Variants in RPS6KC1 observed in about 807,000 individuals in gnomAD.
RPS6KC1 encodes the protein ribosomal protein S6 kinase C1, also known as inactive ribosomal protein S6 kinase delta-1.
RPS6KC1 carries 54 observed loss-of-function variants against 103.8 expected under a neutral mutation model. The ratio of observed to expected loss-of-function variants is 0.52; its 90% CI spans 0.42 to 0.65. The LOEUF (loss-of-function observed/expected upper bound fraction) is 0.65. Ranked by LOEUF, RPS6KC1 falls within the 30% of genes least tolerant of loss-of-function variation. The probability of loss-of-function intolerance (pLI) is 0.00; values close to 1 mark genes in which losing one functional copy is unlikely to be tolerated. For missense variants in RPS6KC1, 1,151 were observed against 1,253.8 expected (o/e 0.92, Z 1.24); for synonymous variants, 439 against 438.7 (o/e 1.00, Z -0.01).
the RPS6KC1 span, among the ~76,000 whole-genome samples, chr1:213,328,169 G>T: frequency 1.3e-5 from 2 of 152,074 alleles, no homozygotes; most frequent in Admixed American, 6.6e-5. Context: ...TCTCTATCTG[G>T]CTTTCAATAG....
chr1:213,217,202 C>A (rs2093689411), intron 8 of RPS6KC1, among the ~76,000 whole-genome samples: 1 of 151,634 alleles, frequency 6.6e-6, no homozygotes, highest in Non-Finnish European at 1.5e-5. Flanking sequence ...CACTACCGAT[C>A]CCACAGAAAT....
chr1:213,214,562 A>G (rs1290028948), intron 8 of RPS6KC1, among the ~76,000 whole-genome samples: 1 of 152,210 alleles, frequency 6.6e-6, no homozygotes, highest in Non-Finnish European at 1.5e-5. Context: ...AGATCTGAGA[A>G]TGGACAGACT....
At chr1:213,639,733 A>G in the RPS6KC1 span, among the ~76,000 whole-genome samples, 3 of 152,038 alleles carry the variant, frequency 2.0e-5, no homozygotes, top group African/African-American at 4.8e-5. Context: ...TCAGCTTTGC[A>G]TTCCTGGAAT....
At chr1:213,407,451 G>A in the RPS6KC1 span, among the ~76,000 whole-genome samples, 1 of 152,162 alleles carries the variant, frequency 6.6e-6, no homozygotes, top group Non-Finnish European at 1.5e-5. Flanking sequence ...AATCATCCCT[G>A]ACATCCACAA....
chr1:213,053,960 C>T (rs868497152), intron 1 of RPS6KC1, among the ~76,000 whole-genome samples: 11 of 152,138 alleles, frequency 7.2e-5, no homozygotes, highest in African/African-American at 1.7e-4. Flanking sequence ...CTCAGCCACT[C>T]AAGTAGCTGG....
At chr1:213,773,634 T>C in the RPS6KC1 span, among the ~76,000 whole-genome samples, 1 of 151,998 alleles carries the variant, frequency 6.6e-6, no homozygotes, top group South Asian at 2.1e-4. Flanking sequence ...TTGTGGTGAC[T>C]GGCAAGTTTA....
At chr1:213,724,370 G>A in the RPS6KC1 span, among the ~76,000 whole-genome samples, 1 of 152,182 alleles carries the variant, frequency 6.6e-6, no homozygotes, top group African/African-American at 2.4e-5. Flanking sequence ...GTGAGCCACT[G>A]CGCCCAGCCT....
the RPS6KC1 span, among the ~76,000 whole-genome samples, chr1:213,379,778 C>G: frequency 6.6e-6 from 1 of 152,076 alleles, no homozygotes; most frequent in Non-Finnish European, 1.5e-5. Flanking sequence ...ACAGTGAGGT[C>G]CCGTCTCACA....
At chr1:213,428,492 T>TCCCTCCCTC in the RPS6KC1 span, among the ~76,000 whole-genome samples, 2 of 62,288 alleles carry the variant, frequency 3.2e-5, no homozygotes, top group African/African-American at 1.3e-4. Context: ...CTTCCTTCCT[T>TCCCTCCCTC]CCTTCCTTCC....
chr1:213,102,900 T>C (rs973507158), intron 3 of RPS6KC1, among the ~76,000 whole-genome samples: 1 of 152,154 alleles, frequency 6.6e-6, no homozygotes, highest in Non-Finnish European at 1.5e-5. Context: ...ATGGATCCAC[T>C]GTTAAGATTT....
chr1:213,434,366 A>G, the RPS6KC1 span, among the ~76,000 whole-genome samples: 4 of 152,162 alleles, frequency 2.6e-5, no homozygotes, highest in Non-Finnish European at 5.9e-5. Context: ...AAATTCCCTT[A>G]AGTATCTTAA....
chr1:213,087,293 T>C (rs2080486056), intron 3 of RPS6KC1, among the ~76,000 whole-genome samples: 1 of 152,246 alleles, frequency 6.6e-6, no homozygotes, highest in Non-Finnish European at 1.5e-5. Context: ...CTATATCACA[T>C]TGATTTTTAT....
the RPS6KC1 span, among the ~76,000 whole-genome samples, chr1:213,376,176 C>T: frequency 2.0e-5 from 3 of 151,378 alleles, no homozygotes; most frequent in African/African-American, 7.3e-5. Flanking sequence ...AAAGTAGATA[C>T]TGGCAGACAA....
intron 1 of RPS6KC1, among the ~76,000 whole-genome samples, chr1:213,068,188 A>G (rs2078501137): frequency 1.3e-5 from 2 of 152,192 alleles, no homozygotes; most frequent in South Asian, 4.1e-4. Flanking sequence ...AATACATTTC[A>G]TAAAAATGTA....
chr1:213,565,154 A>G, the RPS6KC1 span, among the ~76,000 whole-genome samples: 1 of 152,262 alleles, frequency 6.6e-6, no homozygotes, highest in African/African-American at 2.4e-5. Context: ...ATGTATAACA[A>G]CAGAAATTCA....
chr1:213,812,561 G>A, the RPS6KC1 span, among the ~76,000 whole-genome samples: 5 of 152,290 alleles, frequency 3.3e-5, no homozygotes, highest in South Asian at 4.2e-4. Context: ...TGACAATGCC[G>A]TTGTTAAAGC....
chr1:213,712,972 G>C, the RPS6KC1 span, among the ~76,000 whole-genome samples: 1 of 152,206 alleles, frequency 6.6e-6, no homozygotes, highest in East Asian at 1.9e-4. Context: ...TCTTGCCTGG[G>C]AATCGGTTTT....
At chr1:213,108,445 G>A (rs1171420933) in intron 4 of RPS6KC1, among the ~76,000 whole-genome samples, 1 of 151,950 alleles carries the variant, frequency 6.6e-6, no homozygotes, top group Non-Finnish European at 1.5e-5. Context: ...TAATCTACGT[G>A]CCTGTCTTAT....
intron 12 of RPS6KC1, among the ~76,000 whole-genome samples, chr1:213,243,578 T>C (rs1466604138): frequency 1.3e-5 from 2 of 152,246 alleles, no homozygotes; most frequent in African/African-American, 4.8e-5. Context: ...AGATCTTTTA[T>C]TGACAATTAT....
Sources: gnomAD v4.1 joint callset for allele counts (sites outside exome capture counted in the v4.1 genomes callset) on GRCh38, gnomAD v4.1.1 for gene constraint, MANE v1.5 for transcripts, NCBI Gene and HGNC (gene_info 2026-07-23, HGNC 2026-07-21) for gene names.